Variants in TECPR2 observed in about 807,000 individuals in gnomAD.
TECPR2 encodes the protein tectonin beta-propeller repeat containing 2.
Under a neutral mutation model 138.1 loss-of-function variants are expected in TECPR2, and 65 were observed. The ratio of observed to expected loss-of-function variants is 0.47; its 90% CI spans 0.39 to 0.58. The LOEUF is 0.58. Among genes scored for constraint, TECPR2 ranks in the 20% least tolerant of loss-of-function variants. TECPR2 has a pLI of 0.00. For synonymous variants in TECPR2, 746 were observed against 749.8 expected (o/e 0.99, Z 0.08); for missense variants, 1,553 against 1,824.5 (o/e 0.85, Z 2.71).
intron 9 of TECPR2, chr14:102,437,122 G>A: frequency 2.0e-6 from 2 of 985,480 alleles, no homozygotes; most frequent in Non-Finnish European, 2.4e-6. Flanking sequence ...GCTGGATTGA[G>A]AAGAGTTGGG....
In TECPR2 at chr14:102,438,012, C is replaced by T; in HGVS notation, c.2395-10C>T. 1 of 1,612,582 alleles carries T rather than the reference C, an allele frequency of 6.2e-7. No individual in the cohort carries two copies. On this transcript the variant is annotated splice_polypyrimidine_tract_variant and intron_variant, in intron 9 of 19. Coordinates refer to ENST00000359520, the MANE Select transcript of TECPR2 (RefSeq NM_014844.5). ...TCTGCCACAGAACTCACTGGCTCTT[C>T]CCTTGTTAGTTTGCAGAAAGCTGGA...
At chr14:102,368,108 G>A (rs114360789) in intron 1 of TECPR2, among the ~76,000 whole-genome samples, 6,011 of 148,586 alleles carry the variant, frequency 0.04, 137 homozygotes, top group Middle Eastern at 0.091. Context: ...CTCGGGTTCA[G>A]GTGATTCTTG....
intron 1 of TECPR2, among the ~76,000 whole-genome samples, chr14:102,366,480 G>A (rs1567310181): frequency 6.6e-6 from 1 of 152,148 alleles, no homozygotes; most frequent in Non-Finnish European, 1.5e-5. Context: ...CCAAGTAGCT[G>A]GGATTACAGG....
In TECPR2 at chr14:102,416,417, G is replaced by A. The variant is rs202212293; in HGVS notation, c.638+1624G>A. On this transcript the variant is annotated intron_variant, in intron 5 of 19. Transcript: ENST00000359520. ...ATTACAGGTGTGAGCCACCACATGC[G>A]GCCTGCTGAACACCTTCTTAATCCC... is the stretch of plus-strand genomic sequence containing the variant. Among the ~76,000 whole-genome samples the A allele has an allele frequency of 8.5e-5, 13 of 152,142 alleles. No individual in the cohort carries two copies. The East Asian group carries it at 2.3e-3, about 27-fold the overall frequency.
intron 4 of TECPR2, 111 bp from the exon 5 acceptor site, chr14:102,414,525 G>A: frequency 2.3e-6 from 3 of 1,311,412 alleles, no homozygotes. Context: ...CGTTAAGTAA[G>A]GTGCAAGCTG....
rs3759568 is a variant in TECPR2, at chr14:102,434,199, C to T, written c.1418-36C>T. 4.9e-5 allele frequency: 66 copies of T among 1,345,694 alleles called. No individual in the cohort carries two copies. In the East Asian group the frequency reaches 1.4e-3, roughly 29 times the overall value. The allele number at this position is 1,345,694 out of a possible 1,614,324, so 83.4% of individuals were successfully genotyped here. ...TTAGTCTCTTACTAATCATATAGAA[C>T]CGTGCCTTATTTTGAATGTTCTTAT... On this transcript the variant is annotated intron_variant, in intron 8 of 19. Transcript: ENST00000359520.
Position 102,438,118 on chromosome 14 carries a change from G to T in TECPR2, c.2491G>T (p.Gly831Cys), listed in dbSNP as rs201352197. ...TATCTGGTGCCTGGACTACAAAGGC[G>T]GCCTGTTCTGCAGCGCGTTGCCGGG... ...KYIWCLDYKG[G>C]LFCSALPGAG... Residue 831 changes from glycine (G) to cysteine (C), a missense_variant, in exon 10 of 20, where the codon GGC (glycine) becomes TGC (cysteine). Physicochemically the swap from Gly to Cys is radical, Grantham distance 159 (BLOSUM62 -3). Coordinates refer to ENST00000359520, the MANE Select transcript of TECPR2 (RefSeq NM_014844.5). 153 of 1,614,002 alleles carry T rather than the reference G, an allele frequency of 9.5e-5. No individual in the cohort carries two copies. The highest frequency in any genetic ancestry group is 1.3e-4 in the Non-Finnish European group (151 of 1,179,986).
At chr14:102,460,701 T>TC in intron 16 of TECPR2, among the ~76,000 whole-genome samples, 1 of 150,932 alleles carries the variant, frequency 6.6e-6, no homozygotes, top group African/African-American at 2.4e-5. Flanking sequence ...CCTTTAATTT[T>TC]TTTTTTTTTT....
chr14:102,482,113 G>A (rs905955966), intron 17 of TECPR2, among the ~76,000 whole-genome samples: 18 of 151,784 alleles, frequency 1.2e-4, no homozygotes, highest in African/African-American at 1.7e-4. Context: ...GCAATGGTGC[G>A]ATCAATCTCT....
chr14:102,424,741 A>G (rs1284514813), intron 5 of TECPR2, among the ~76,000 whole-genome samples: 3 of 152,158 alleles, frequency 2.0e-5, no homozygotes, highest in African/African-American at 7.2e-5. Flanking sequence ...GTGAGTACTC[A>G]GTGAATGGTT....
chr14:102,426,072 AG>A (rs1889313195), intron 6 of TECPR2, among the ~76,000 whole-genome samples: 1 of 151,362 alleles, frequency 6.6e-6, no homozygotes, highest in Admixed American at 6.6e-5. Context: ...TTTTTAGTAG[AG>A]ACAGGGTTTC....
chr14:102,429,731 G>A (rs939706886), intron 7 of TECPR2, among the ~76,000 whole-genome samples: 1 of 152,078 alleles, frequency 6.6e-6, no homozygotes, highest in African/African-American at 2.4e-5. Context: ...TTATGAGCTG[G>A]GGGCCCCTCA....
chr14:102,393,322 C>A (rs2139677166), intron 2 of TECPR2, among the ~76,000 whole-genome samples: 1 of 152,228 alleles, frequency 6.6e-6, no homozygotes, highest in African/African-American at 2.4e-5. Context: ...TTGTATTGTG[C>A]AAAATTAAAG....
intron 2 of TECPR2, among the ~76,000 whole-genome samples, chr14:102,379,122 C>T (rs1190908834): frequency 1.3e-5 from 2 of 152,186 alleles, no homozygotes; most frequent in African/African-American, 2.4e-5. Flanking sequence ...GTGAATCCAA[C>T]GATGAACCCC....
At chr14:102,372,653 C>T (rs1887536097) in intron 1 of TECPR2, among the ~76,000 whole-genome samples, 1 of 152,134 alleles carries the variant, frequency 6.6e-6, no homozygotes, top group African/African-American at 2.4e-5. Flanking sequence ...GGCGTGGTAG[C>T]TCAAGCCTGT....
chr14:102,495,306 C>A (rs987358862), intron 17 of TECPR2, among the ~76,000 whole-genome samples: 1 of 152,178 alleles, frequency 6.6e-6, no homozygotes. Context: ...GTTTTGGCTG[C>A]GGAGCTGCGA....
chr14:102,483,385 T>C lies in TECPR2; in HGVS notation c.3790-13594T>C, dbSNP rs74586467. The stretch of plus-strand genomic sequence containing the variant: ...TCTTGTTTTCCTTTTTTTGTTGTTA[T>C]GTTTTTGTGTGTTGTTGTTGTTGTT... On this transcript the variant is annotated intron_variant, in intron 17 of 19. Coordinates refer to ENST00000359520, the MANE Select transcript of TECPR2 (RefSeq NM_014844.5). 7.0e-4 allele frequency among the ~76,000 whole-genome samples: 105 copies of C among 149,118 alleles called. 4 individuals are homozygous for C. The East Asian group carries it at 0.017, about 24-fold the overall frequency.
At position 102,431,866 on chromosome 14, in the gene TECPR2, G is replaced by C. The variant is rs1381068013; in HGVS notation, c.1155G>C (p.Gly385=). 3.7e-6 allele frequency: 6 copies of C among 1,603,272 alleles called. No homozygotes were observed. The highest frequency in any genetic ancestry group is 5.1e-6 in the Non-Finnish European group (6 of 1,171,102). ...TGCAGCAAGCGGAGAAGCTGCCAGG[G>C]GCCACAGTTTCTGAGACGAGGCTCA... The part of the protein sequence containing the change: ...VHVQQAEKLP[G]ATVSETRLRG... Residue 385 remains glycine (G), a synonymous_variant, in exon 8 of 20, where the codon GGG becomes GGC. Coordinates refer to ENST00000359520, the MANE Select transcript of TECPR2 (RefSeq NM_014844.5).
At chr14:102,437,398 A>G (rs1293297956) in intron 9 of TECPR2, among the ~76,000 whole-genome samples, 1 of 152,046 alleles carries the variant, frequency 6.6e-6, no homozygotes, top group African/African-American at 2.4e-5. Context: ...AATACAAAAA[A>G]TAGCCGGGTG....
Sources: gnomAD v4.1 joint callset for allele counts (sites outside exome capture counted in the v4.1 genomes callset) on GRCh38, gnomAD v4.1.1 for gene constraint, MANE v1.5 for transcripts, NCBI Gene and HGNC (gene_info 2026-07-23, HGNC 2026-07-21) for gene names.